TTC29: variants seen among roughly 807,000 people sequenced by gnomAD.
TTC29 encodes tetratricopeptide repeat domain 29, also known as tetratricopeptide repeat protein 29.
A neutral mutation model predicts 58.1 loss-of-function variants in TTC29; 49 were observed. That is an observed-to-expected ratio of 0.84 (90% confidence interval 0.67 to 1.07). The LOEUF (loss-of-function observed/expected upper bound fraction) is 1.07, where lower values mean the gene tolerates loss of function less well. Among genes scored for constraint, TTC29 ranks in the 50% least tolerant of loss-of-function variants. The pLI, the probability that TTC29 is intolerant of heterozygous loss-of-function variation, is 0.00. For synonymous variants in TTC29, 209 were observed against 196.8 expected (o/e 1.06, Z -0.52); for missense variants, 582 against 555.6 (o/e 1.05, Z -0.48).
chr4:146,755,035 C>T (rs1378848062), intron 11 of TTC29, among the ~76,000 whole-genome samples: 1 of 151,992 alleles, frequency 6.6e-6, no homozygotes, highest in Non-Finnish European at 1.5e-5. Context: ...TAAATAGAAT[C>T]AGTAAAATTG....
chr4:146,763,362 C>CT (rs926113843), intron 11 of TTC29, among the ~76,000 whole-genome samples: 2 of 152,006 alleles, frequency 1.3e-5, no homozygotes, highest in Non-Finnish European at 2.9e-5. Flanking sequence ...CTATTTCTGA[C>CT]TTTTTTAACT....
chr4:146,752,563 T>A (rs1172082718), intron 11 of TTC29, among the ~76,000 whole-genome samples: 1 of 151,716 alleles, frequency 6.6e-6, no homozygotes, highest in Non-Finnish European at 1.5e-5. Context: ...TTAAAGTTCA[T>A]ATGGAACCAA....
intron 11 of TTC29, among the ~76,000 whole-genome samples, chr4:146,721,076 A>G (rs1202812016): frequency 6.6e-6 from 1 of 152,136 alleles, no homozygotes; most frequent in Non-Finnish European, 1.5e-5. Context: ...ACCCTCAGAG[A>G]AGAAATGAGG....
intron 11 of TTC29, among the ~76,000 whole-genome samples, chr4:146,729,427 C>A (rs903697489): frequency 1.9e-4 from 29 of 151,996 alleles, no homozygotes; most frequent in African/African-American, 7.0e-4. Context: ...AGACTTTTTT[C>A]CGAGTTCATT....
intron 11 of TTC29, among the ~76,000 whole-genome samples, chr4:146,768,290 G>A (rs1005524971): frequency 6.6e-5 from 10 of 151,846 alleles, no homozygotes; most frequent in African/African-American, 1.7e-4. Context: ...TAGAGCAGTC[G>A]ATGAGGAAGG....
chr4:146,807,273 A>G (rs1750683752), intron 10 of TTC29, among the ~76,000 whole-genome samples: 1 of 152,242 alleles, frequency 6.6e-6, no homozygotes, highest in South Asian at 2.1e-4. Flanking sequence ...CTAAATGCCC[A>G]CATTGAAAAA....
intron 6 of TTC29, among the ~76,000 whole-genome samples, chr4:146,901,986 G>T (rs1733180256): frequency 6.6e-6 from 1 of 152,152 alleles, no homozygotes. Context: ...TTTCATGACT[G>T]CACAGAACTC....
At chr4:146,827,773 A>G (rs1362207466) in intron 9 of TTC29, among the ~76,000 whole-genome samples, 1 of 152,194 alleles carries the variant, frequency 6.6e-6, no homozygotes, top group Non-Finnish European at 1.5e-5. Flanking sequence ...GAAATAAACA[A>G]CTATCACATT....
intron 11 of TTC29, among the ~76,000 whole-genome samples, chr4:146,757,026 T>C (rs1746504275): frequency 1.3e-5 from 2 of 152,144 alleles, no homozygotes. Flanking sequence ...TGAATTCTTT[T>C]TCAGGTAAAT....
intron 8 of TTC29, among the ~76,000 whole-genome samples, chr4:146,855,930 C>T (rs749959160): frequency 2.0e-4 from 31 of 152,184 alleles, no homozygotes; most frequent in Non-Finnish European, 7.3e-5. Context: ...AATGCCTCTT[C>T]TTCTTTCGCA....
At chr4:146,943,609 T>A (rs1214456595) in intron 2 of TTC29, among the ~76,000 whole-genome samples, 1 of 152,190 alleles carries the variant, frequency 6.6e-6, no homozygotes, top group Non-Finnish European at 1.5e-5. Context: ...CGTGGCCACA[T>A]AAGGTATTTT....
chr4:146,928,924 T>C (rs1050055595), intron 4 of TTC29, among the ~76,000 whole-genome samples: 16 of 152,284 alleles, frequency 1.1e-4, no homozygotes, highest in African/African-American at 3.6e-4. Flanking sequence ...ATTTAGGCTT[T>C]TTGGAAATTA....
intron 11 of TTC29, among the ~76,000 whole-genome samples, chr4:146,753,797 T>C (rs559487668): frequency 2.0e-5 from 3 of 151,734 alleles, no homozygotes; most frequent in Non-Finnish European, 2.9e-5. Context: ...AGCAAACTAT[T>C]GCAAGGACAA....
At chr4:146,709,106 A>G (rs1017861186) in intron 11 of TTC29, among the ~76,000 whole-genome samples, 24 of 152,086 alleles carry the variant, frequency 1.6e-4, no homozygotes, top group African/African-American at 5.3e-4. Flanking sequence ...CTGTACTACT[A>G]CTTTCTTAAT....
intron 4 of TTC29, among the ~76,000 whole-genome samples, chr4:146,917,134 A>G (rs1327011711): frequency 6.6e-6 from 1 of 151,048 alleles, no homozygotes; most frequent in Non-Finnish European, 1.5e-5. Context: ...TATATGATTT[A>G]ATTTAATTAT....
intron 4 of TTC29, among the ~76,000 whole-genome samples, chr4:146,911,788 T>G (rs1733914840): frequency 6.6e-6 from 1 of 152,206 alleles, no homozygotes; most frequent in Non-Finnish European, 1.5e-5. Flanking sequence ...AATGAAACAT[T>G]CCTGCAACCA....
intron 4 of TTC29, among the ~76,000 whole-genome samples, chr4:146,923,193 A>G (rs1294991174): frequency 6.6e-6 from 1 of 151,870 alleles, no homozygotes; most frequent in South Asian, 2.1e-4. Context: ...ATCTGAAAAA[A>G]TTTTTAATTT....
intron 11 of TTC29, among the ~76,000 whole-genome samples, chr4:146,758,617 A>C (rs1352523849): frequency 6.6e-6 from 1 of 152,198 alleles, no homozygotes; most frequent in African/African-American, 2.4e-5. Flanking sequence ...TTAATTTAAG[A>C]AAATTGAAAT....
intron 11 of TTC29, among the ~76,000 whole-genome samples, chr4:146,725,669 G>A (rs543248752): frequency 6.6e-6 from 1 of 152,148 alleles, no homozygotes; most frequent in South Asian, 2.1e-4. Flanking sequence ...ATATCTGTCT[G>A]CCTGTCTATC....
Sources: allele counts gnomAD v4.1 joint callset (sites outside exome capture counted in the v4.1 genomes callset), GRCh38; gene constraint gnomAD v4.1.1; transcripts MANE v1.5; gene names NCBI Gene and HGNC (gene_info 2026-07-23, HGNC 2026-07-21).